CNTN6: variants seen among roughly 807,000 people sequenced by gnomAD.
The protein encoded by CNTN6 is contactin 6.
Under a neutral mutation model 122.8 loss-of-function variants are expected in CNTN6, and 137 were observed. The observed-to-expected ratio is 1.12, with a 90% confidence interval of 0.97 to 1.29. The LOEUF (loss-of-function observed/expected upper bound fraction) is 1.29, where lower values mean the gene tolerates loss of function less well. Among genes scored for constraint, CNTN6 ranks in the 50% most tolerant of loss-of-function variants. The pLI is 0.00. For synonymous variants in CNTN6, 570 were observed against 426.0 expected, an observed-to-expected ratio of 1.34 and a Z score of -4.16; for missense variants, 1,634 against 1,223.4, an observed-to-expected ratio of 1.34 and a Z score of -5.01.
intron 4 of CNTN6, among the ~76,000 whole-genome samples, chr3:1,238,156 G>A (rs2094443427): frequency 6.6e-6 from 1 of 152,026 alleles, no homozygotes; most frequent in Non-Finnish European, 1.5e-5. Flanking sequence ...CAGAATAAAC[G>A]AGAATTCTCC....
intron 12 of CNTN6, among the ~76,000 whole-genome samples, chr3:1,365,718 T>G (rs1229576909): frequency 1.3e-5 from 2 of 152,010 alleles, no homozygotes; most frequent in Non-Finnish European, 2.9e-5. Flanking sequence ...TTTGCACCAA[T>G]CCAATAAATA....
chr3:1,154,808 G>A (rs1468409984), intron 2 of CNTN6, among the ~76,000 whole-genome samples: 1 of 152,084 alleles, frequency 6.6e-6, no homozygotes, highest in African/African-American at 2.4e-5. Context: ...CAAACTCCTT[G>A]CCATTCCATC....
At chr3:1,246,735 G>T (rs988636741) in intron 4 of CNTN6, among the ~76,000 whole-genome samples, 1 of 152,082 alleles carries the variant, frequency 6.6e-6, no homozygotes, top group African/African-American at 2.4e-5. Context: ...ATAGTAAAAA[G>T]TATCTCATTT....
At chr3:1,166,140 T>C (rs2093243174) in intron 2 of CNTN6, among the ~76,000 whole-genome samples, 1 of 152,190 alleles carries the variant, frequency 6.6e-6, no homozygotes, top group African/African-American at 2.4e-5. Flanking sequence ...GCATCAACTG[T>C]TCTAAGTACT....
chr3:1,277,335 T>C (rs1575523909), intron 4 of CNTN6, among the ~76,000 whole-genome samples: 1 of 147,554 alleles, frequency 6.8e-6, no homozygotes, highest in African/African-American at 2.5e-5. Flanking sequence ...TTCTGTCTTT[T>C]AGTAGGTTTT....
At chr3:1,166,739 T>A (rs917129605) in intron 2 of CNTN6, among the ~76,000 whole-genome samples, 1 of 152,236 alleles carries the variant, frequency 6.6e-6, no homozygotes, top group East Asian at 1.9e-4. Context: ...TGCAGGGACA[T>A]GGATGAAGCT....
intron 11 of CNTN6, among the ~76,000 whole-genome samples, chr3:1,343,709 T>G (rs572443304): frequency 4.6e-5 from 7 of 151,850 alleles, no homozygotes; most frequent in East Asian, 1.9e-4. Flanking sequence ...CTCTAGGCTC[T>G]CTCTCTCTAT....
intron 1 of CNTN6, among the ~76,000 whole-genome samples, chr3:1,124,094 G>A (rs1325738801): frequency 2.6e-5 from 4 of 151,810 alleles, no homozygotes; most frequent in African/African-American, 2.4e-5. Context: ...GGTGATTTTG[G>A]CTCCCAGTTT....
intron 2 of CNTN6, among the ~76,000 whole-genome samples, chr3:1,192,454 A>G (rs2093715727): frequency 1.3e-5 from 2 of 152,142 alleles, no homozygotes; most frequent in African/African-American, 2.4e-5. Context: ...CACATGGACC[A>G]TACTATACAT....
At chr3:1,259,102 A>T (rs1410391817) in intron 4 of CNTN6, among the ~76,000 whole-genome samples, 1 of 152,164 alleles carries the variant, frequency 6.6e-6, no homozygotes, top group Non-Finnish European at 1.5e-5. Flanking sequence ...GTTCACTCAG[A>T]ATACTTTATA....
Position 1,383,884 on chromosome 3 carries a change from G to A in CNTN6, c.2517+476G>A, listed in dbSNP as rs149707967. Among the ~76,000 whole-genome samples, 3 of 152,292 alleles carry A rather than the reference G, an allele frequency of 2.0e-5. No homozygotes were observed. In the East Asian group the frequency reaches 5.8e-4, roughly 29 times the overall value. On this transcript the variant is annotated intron_variant, in intron 19 of 22. Transcript: ENST00000446702. Reference sequence around the variant, plus strand: ...AACCTCCAGGCCATTGCCATAGAAAGGGATGGTAACTTCCAGGTGTTGCCA... The same window carrying A: ...AACCTCCAGGCCATTGCCATAGAAAAGGATGGTAACTTCCAGGTGTTGCCA...
chr3:1,309,693 T>C (rs1430589453), intron 7 of CNTN6, among the ~76,000 whole-genome samples: 1 of 152,190 alleles, frequency 6.6e-6, no homozygotes, highest in African/African-American at 2.4e-5. Flanking sequence ...TTGATTGGGA[T>C]TGACTTAAAT....
At position 1,402,183 on chromosome 3, in the gene CNTN6, A is replaced by G. The variant is rs138520639; in HGVS notation, c.2818-135A>G. The G allele has an allele frequency of 4.4e-4, 270 of 610,100 alleles. No individual in the cohort carries two copies. In the African/African-American group the frequency reaches 4.8e-3, roughly 11 times the overall value. The allele number at this position is 610,100 out of a possible 1,614,324, so 37.8% of individuals were successfully genotyped here. ...GAGCAATGGAATATAAGGAAAAGAC[A>G]TCACTTGGATATTTCCATCTGAGGA... On this transcript the variant is annotated intron_variant, in intron 21 of 22. Coordinates refer to ENST00000446702, the MANE Select transcript of CNTN6 (RefSeq NM_001289080.2).
At chr3:1,282,011 T>A (rs896323293) in intron 5 of CNTN6, among the ~76,000 whole-genome samples, 1 of 148,352 alleles carries the variant, frequency 6.7e-6, no homozygotes, top group Non-Finnish European at 1.5e-5. Context: ...CACACACACA[T>A]AACTTTATAG....
chr3:1,126,438 T>A (rs1444914160), intron 1 of CNTN6, among the ~76,000 whole-genome samples: 2 of 151,900 alleles, frequency 1.3e-5, no homozygotes, highest in African/African-American at 4.8e-5. Flanking sequence ...AGTCAGTTTA[T>A]CTAAAGCAGC....
intron 5 of CNTN6, among the ~76,000 whole-genome samples, chr3:1,286,907 C>T (rs903634209): frequency 1.3e-5 from 2 of 152,106 alleles, no homozygotes; most frequent in Non-Finnish European, 2.9e-5. Context: ...CAGAAAAAAG[C>T]AGGGGTTGCA....
At chr3:1,107,135 C>G (rs72995720) in intron 1 of CNTN6, among the ~76,000 whole-genome samples, 9,797 of 151,996 alleles carry the variant, frequency 0.064, 416 homozygotes, top group Non-Finnish European at 0.089. Context: ...CAGACACGTC[C>G]AAAATATTAT....
chr3:1,366,921 A>G (rs968734639), intron 12 of CNTN6, among the ~76,000 whole-genome samples: 1 of 152,138 alleles, frequency 6.6e-6, no homozygotes, highest in Non-Finnish European at 1.5e-5. Flanking sequence ...CTTTTCAAAT[A>G]CAGTCTATTT....
intron 20 of CNTN6, among the ~76,000 whole-genome samples, chr3:1,395,181 CTCATTTTATTACTTTGACAT>C (rs1694833362): frequency 1.3e-5 from 2 of 152,168 alleles, no homozygotes; most frequent in South Asian, 4.1e-4. Flanking sequence ...TATCCAACCT[CTCATTTTATTACTTTGACAT>C]TCTACATCAC....
Sources: allele counts gnomAD v4.1 joint callset (sites outside exome capture counted in the v4.1 genomes callset), GRCh38; gene constraint gnomAD v4.1.1; transcripts MANE v1.5; gene names NCBI Gene and HGNC (gene_info 2026-07-23, HGNC 2026-07-21).